Variants in PDZD8 observed in about 807,000 individuals in gnomAD.
The protein encoded by PDZD8 is PDZ domain-containing protein 8.
Under a neutral mutation model 85.8 loss-of-function variants are expected in PDZD8, and 14 were observed. That is an observed-to-expected ratio of 0.16 (90% confidence interval 0.11 to 0.26). The LOEUF (loss-of-function observed/expected upper bound fraction) is 0.26. PDZD8 is among the 10% of genes least tolerant of loss of function. PDZD8 has a pLI of 1.00. For synonymous variants in PDZD8, 592 were observed against 568.6 expected, an observed-to-expected ratio of 1.04 and a Z score of -0.59; for missense variants, 1,197 against 1,424.3, an observed-to-expected ratio of 0.84 and a Z score of 2.57.
chr10:117,308,568 A>C lies in PDZD8; in HGVS notation c.1098+10304T>G, dbSNP rs531606466. Among the ~76,000 whole-genome samples the C allele has an allele frequency of 1.6e-4, 25 of 152,220 alleles. No homozygotes were observed. The East Asian group carries it at 4.8e-3, about 29-fold the overall frequency. The stretch of plus-strand genomic sequence containing the variant: ...CTGTAAGGCAGTTACTATTACCTCT[A>C]CTGTAGAGATTATGAAATACCTTGC... On this transcript the variant is annotated intron_variant, in intron 3 of 4. Coordinates refer to ENST00000334464, the MANE Select transcript of PDZD8 (RefSeq NM_173791.5).
intron 3 of PDZD8, among the ~76,000 whole-genome samples, chr10:117,300,992 AT>A (rs1417065565): frequency 6.6e-6 from 1 of 151,902 alleles, no homozygotes; most frequent in Non-Finnish European, 1.5e-5. Context: ...AAAAATCATC[AT>A]TTTTTTCTTT....
intron 2 of PDZD8, among the ~76,000 whole-genome samples, chr10:117,330,418 C>A (rs1589570874): frequency 6.6e-6 from 1 of 152,154 alleles, no homozygotes. Context: ...TTTCCCCATC[C>A]AGTCCTGGAA....
intron 1 of PDZD8, among the ~76,000 whole-genome samples, chr10:117,342,405 CACACACACACACACACACACACAT>C (rs1421258338): frequency 6.7e-6 from 1 of 149,630 alleles, no homozygotes; most frequent in Admixed American, 6.6e-5. Flanking sequence ...CACACACACA[CACACACACACACACACACACACAT>C]AGTCAAAAGT....
chr10:117,346,243 A>G (rs2133855383), intron 1 of PDZD8, among the ~76,000 whole-genome samples: 1 of 151,576 alleles, frequency 6.6e-6, no homozygotes, highest in Middle Eastern at 3.4e-3. Flanking sequence ...AAAAAAAAAA[A>G]AAAAAAAACT....
intron 1 of PDZD8, among the ~76,000 whole-genome samples, chr10:117,365,756 G>A (rs1367735808): frequency 6.6e-6 from 1 of 152,178 alleles, no homozygotes; most frequent in Non-Finnish European, 1.5e-5. Flanking sequence ...TGACCAGGTA[G>A]TTGGCTTTAA....
intron 1 of PDZD8, among the ~76,000 whole-genome samples, chr10:117,355,919 G>A (rs1316050074): frequency 6.6e-6 from 1 of 152,016 alleles, no homozygotes; most frequent in Non-Finnish European, 1.5e-5. Flanking sequence ...TACCATTAAG[G>A]TGTTGTTATT....
At chr10:117,285,581 T>C in intron 4 of PDZD8, 110 bp from the exon 5 acceptor site, 4 of 1,157,068 alleles carry the variant, frequency 3.5e-6, no homozygotes, top group African/African-American at 1.6e-5. Flanking sequence ...CTCTGGTTAT[T>C]TAACTAATAG....
intron 3 of PDZD8, among the ~76,000 whole-genome samples, chr10:117,314,918 G>A (rs1006610537): frequency 5.3e-5 from 8 of 152,202 alleles, no homozygotes; most frequent in African/African-American, 9.7e-5. Flanking sequence ...AATGCAGAGC[G>A]TGGTAGGTTG....
At chr10:117,321,780 T>C (rs922903573) in intron 2 of PDZD8, among the ~76,000 whole-genome samples, 2 of 152,154 alleles carry the variant, frequency 1.3e-5, no homozygotes, top group African/African-American at 4.8e-5. Context: ...GATTGGTTTA[T>C]TATGATTATA....
intron 1 of PDZD8, among the ~76,000 whole-genome samples, chr10:117,359,581 C>A (rs934272197): frequency 2.0e-5 from 3 of 152,030 alleles, no homozygotes; most frequent in South Asian, 2.1e-4. Context: ...CATGGTGGTG[C>A]GCGCCTATAG....
chr10:117,344,537 A>G (rs2532794), intron 1 of PDZD8, among the ~76,000 whole-genome samples: 148,546 of 152,208 alleles, frequency 0.98, 72,576 homozygotes, highest in Middle Eastern at 1. Context: ...ACAGGCGCCC[A>G]CCACCACACC....
intron 2 of PDZD8, among the ~76,000 whole-genome samples, chr10:117,333,117 CAAAAAAAAAA>C (rs752527474): frequency 8.3e-4 from 6 of 7,260 alleles, no homozygotes; most frequent in Admixed American, 7.8e-3. Context: ...GACTCTGTCT[CAAAAAAAAAA>C]AAAAAAAAAA....
intron 1 of PDZD8, among the ~76,000 whole-genome samples, chr10:117,369,326 T>G (rs1845149688): frequency 6.6e-6 from 1 of 150,450 alleles, no homozygotes. Flanking sequence ...GCCCAGCTAA[T>G]TTTTGTATTT....
rs538593028 is a variant in PDZD8 at position 117,373,475 on chromosome 10, G to C, written c.872+881C>G. Among the ~76,000 whole-genome samples, 33 of 151,966 alleles carry C rather than the reference G, an allele frequency of 2.2e-4. No individual in the cohort carries two copies. In the South Asian group the frequency reaches 6.4e-3, roughly 30 times the overall value. On this transcript the variant is annotated intron_variant, in intron 1 of 4. Transcript: ENST00000334464. ...CCCATCTGCTGTGGAAAGTATTCCCGGGCCGGGCGCGGTGGTTCACTCCTG... is the reference window on the plus strand; with the variant it reads ...CCCATCTGCTGTGGAAAGTATTCCCCGGCCGGGCGCGGTGGTTCACTCCTG...
chr10:117,297,143 T>C (rs1388357450), intron 3 of PDZD8, among the ~76,000 whole-genome samples: 2 of 152,036 alleles, frequency 1.3e-5, no homozygotes, highest in Non-Finnish European at 1.5e-5. Context: ...CAAAAGAAGA[T>C]ATGCAAATGG....
intron 1 of PDZD8, among the ~76,000 whole-genome samples, chr10:117,352,248 G>T (rs1006938113): frequency 6.6e-6 from 1 of 152,176 alleles, no homozygotes; most frequent in Non-Finnish European, 1.5e-5. Flanking sequence ...ACAACCCAAT[G>T]TAAAAATATG....
chr10:117,309,032 G>A (rs776315823), intron 3 of PDZD8, among the ~76,000 whole-genome samples: 6 of 152,162 alleles, frequency 3.9e-5, no homozygotes, highest in South Asian at 2.1e-4. Flanking sequence ...TTCTGCATCC[G>A]TGTATGGCTC....
In PDZD8 at chr10:117,284,132, G is replaced by C; in HGVS notation, c.2601C>G (p.Ser867=). The C allele has an allele frequency of 6.2e-7, 1 of 1,614,118 alleles. No individual in the cohort carries two copies. The highest frequency in any genetic ancestry group is 8.5e-7 in the Non-Finnish European group (1 of 1,180,028). Residue 867 remains serine (S), a synonymous_variant, in exon 5 of 5, where the codon TCC becomes TCG. Coordinates refer to ENST00000334464, the MANE Select transcript of PDZD8 (RefSeq NM_173791.5). ...AAACATAAGCACAAAACATACACTG[G>C]GAAGCTGCTTTAGTCCAAACTTTTT... ...CKKKVWTKAA[S]QCMFCAYVCH... is the part of the protein sequence containing the mutation.
In PDZD8 at chr10:117,341,149, C is replaced by T. The variant is rs368891327; in HGVS notation, c.873-47G>A. The T allele has an allele frequency of 5.1e-6, 8 of 1,580,638 alleles. No homozygotes were observed. The East Asian group carries it at 9.0e-5, about 18-fold the overall frequency. Reference sequence around the variant, plus strand: ...CTAAATGTCTGAATAATAAACACCACAGTTTAAAGCATAACAAAACTCACC... The same window carrying T: ...CTAAATGTCTGAATAATAAACACCATAGTTTAAAGCATAACAAAACTCACC... On this transcript the variant is annotated intron_variant, in intron 1 of 4. Transcript: ENST00000334464.
Sources: gnomAD v4.1 joint callset for allele counts (sites outside exome capture counted in the v4.1 genomes callset) on GRCh38, gnomAD v4.1.1 for gene constraint, MANE v1.5 for transcripts, NCBI Gene and HGNC (gene_info 2026-07-23, HGNC 2026-07-21) for gene names.